Variants in NFKBID observed in about 807,000 individuals in gnomAD.
NFKBID encodes NF-kappa-B inhibitor delta.
In NFKBID, 26 loss-of-function variants were observed where a neutral mutation model predicts 53.4. That is an observed-to-expected ratio of 0.49 (90% confidence interval 0.36 to 0.68). The LOEUF is 0.68. Ranked by LOEUF, NFKBID falls within the 30% of genes least tolerant of loss-of-function variation. The probability of loss-of-function intolerance (pLI) is 0.00; values close to 1 mark genes in which losing one functional copy is unlikely to be tolerated. For synonymous variants in NFKBID, 262 were observed against 259.8 expected (o/e 1.01, Z -0.08); for missense variants, 493 against 614.1 (o/e 0.80, Z 2.08).
intron 9 of NFKBID, among the ~76,000 whole-genome samples, chr19:35,892,543 C>CAAAAAAAAAAA (rs112001334): frequency 5.6e-4 from 63 of 112,268 alleles, no homozygotes; most frequent in African/African-American, 2.1e-3. Flanking sequence ...GACTCCATCT[C>CAAAAAAAAAAA]AAAAAAAAAA....
At chr19:35,897,904 G>T in intron 3 of NFKBID, 48 bp from the exon 4 acceptor site, 1 of 1,330,362 alleles carries the variant, frequency 7.5e-7, no homozygotes, top group Non-Finnish European at 1.0e-6. Context: ...CCAGAGTTGG[G>T]GACGTCACAT....
chr19:35,899,203 C>A (rs1241913713), intron 1 of NFKBID, among the ~76,000 whole-genome samples: 1 of 152,126 alleles, frequency 6.6e-6, no homozygotes, highest in African/African-American at 2.4e-5. Flanking sequence ...TCCCTAGACT[C>A]ACATCCAGGT....
At chr19:35,900,899 G>T (rs1975540447), upstream of NFKBID, among the ~76,000 whole-genome samples, 1 of 146,222 alleles carries the variant, frequency 6.8e-6, no homozygotes, top group South Asian at 2.1e-4. Context: ...GAGTGCAATG[G>T]TGCGATCTCT....
At chr19:35,895,350 T>C (rs1215998587) in intron 9 of NFKBID, among the ~76,000 whole-genome samples, 1 of 148,078 alleles carries the variant, frequency 6.8e-6, no homozygotes, top group Non-Finnish European at 1.5e-5. Context: ...TAGCCAGGCA[T>C]GGTGGCGTGC....
intron 9 of NFKBID, among the ~76,000 whole-genome samples, chr19:35,891,060 G>A (rs1160940215): frequency 1.3e-5 from 2 of 152,088 alleles, no homozygotes; most frequent in Admixed American, 1.3e-4. Context: ...TCCTTTTCCA[G>A]TTCTTCAAAG....
chr19:35,892,305 G>A (rs1974823646), intron 9 of NFKBID, among the ~76,000 whole-genome samples: 1 of 152,084 alleles, frequency 6.6e-6, no homozygotes, highest in Non-Finnish European at 1.5e-5. Flanking sequence ...GCCCACCTGA[G>A]CCTCCCAAAG....
chr19:35,898,253 C>T (rs1368036211), intron 3 of NFKBID, among the ~76,000 whole-genome samples: 1 of 151,476 alleles, frequency 6.6e-6, no homozygotes, highest in Non-Finnish European at 1.5e-5. Flanking sequence ...GAGGCTGAGG[C>T]GGGAGGATCA....
chr19:35,889,577 G>A (rs1337069038), intron 11 of NFKBID, among the ~76,000 whole-genome samples: 1 of 151,902 alleles, frequency 6.6e-6, no homozygotes, highest in Non-Finnish European at 1.5e-5. Flanking sequence ...AAGGTTAGGG[G>A]CAGGGGGTAG....
intron 9 of NFKBID, among the ~76,000 whole-genome samples, chr19:35,892,760 G>A (rs1387171134): frequency 6.6e-6 from 1 of 152,112 alleles, no homozygotes; most frequent in East Asian, 1.9e-4. Flanking sequence ...TCCCAAGGCA[G>A]CTCTCATCCC....
At chr19:35,900,107 C>T (rs1247938557) in intron 1 of NFKBID, among the ~76,000 whole-genome samples, 69 of 139,704 alleles carry the variant, frequency 4.9e-4, no homozygotes, top group African/African-American at 1.6e-3. Flanking sequence ...TCAGCCTAGT[C>T]CCTGCTTCTA....
exon 12 of NFKBID, chr19:35,888,374 G>C (rs1035030986): frequency 1.7e-6 from 1 of 581,514 alleles, no homozygotes; most frequent in South Asian, 2.0e-5. Flanking sequence ...GTAGAAGAGG[G>C]GTATCACAGC....
intron 1 of NFKBID, among the ~76,000 whole-genome samples, chr19:35,900,039 C>A (rs1002400800): frequency 7.3e-6 from 1 of 136,730 alleles, no homozygotes; most frequent in Non-Finnish European, 1.6e-5. Flanking sequence ...CCGGACCCTT[C>A]CCCACCGAGA....
Position 35,895,962 on chromosome 19 carries a change from G to T in NFKBID, c.1032+18C>A. Reference sequence around the variant, plus strand: ...CCACACAATCTCCCAGGGTCTGACCGCCCACATCCCCGCTCACCTGGCTGG... The same window carrying T: ...CCACACAATCTCCCAGGGTCTGACCTCCCACATCCCCGCTCACCTGGCTGG... On this transcript the variant is annotated intron_variant, in intron 9 of 11. Coordinates refer to ENST00000641389, the Ensembl canonical transcript of NFKBID. 1.9e-6 allele frequency: 3 copies of T among 1,606,238 alleles called. No homozygotes were observed. Among genetic ancestry groups the T allele is most frequent in the South Asian group, 1.1e-5 (1 of 90,378 alleles).
chr19:35,890,117 C>T, intron 10 of NFKBID, 63 bp from the exon 11 acceptor site: 1 of 1,483,170 alleles, frequency 6.7e-7, no homozygotes, highest in South Asian at 1.2e-5. Context: ...CTCTAAACTG[C>T]ACTTCAATTT....
exon 4 of NFKBID, chr19:35,897,754 C>T: frequency 1.2e-6 from 2 of 1,611,738 alleles, no homozygotes; most frequent in South Asian, 2.2e-5. Context: ...AGAGTAGGGG[C>T]TGTCAGTGTA....
In NFKBID at chr19:35,896,914, T is replaced by C. The variant is rs1419657518; in HGVS notation, c.577A>G (p.Thr193Ala). ...GACAACCCTATCCCTTATACTCACG[T>C]GTCCCCCTCCTCATCCTGGGCCAGC... The change falls in exon 5 of 12, where the codon ACG becomes GCG. Residue 193 changes from threonine (T) to alanine (A), a missense_variant and splice_region_variant. Coordinates refer to ENST00000641389, the Ensembl canonical transcript of NFKBID. This position sits in a 1 kb window ranked among gnomAD's most constrained non-coding sequence, Gnocchi z 5.7. 1 of 1,608,896 alleles carries C rather than the reference T, an allele frequency of 6.2e-7. No homozygotes were observed. Among genetic ancestry groups the C allele is most frequent in the Non-Finnish European group, 8.5e-7 (1 of 1,176,466 alleles).
chr19:35,895,253 A>T (rs1975055391), intron 9 of NFKBID, among the ~76,000 whole-genome samples: 1 of 149,908 alleles, frequency 6.7e-6, no homozygotes, highest in African/African-American at 2.5e-5. Context: ...AGGTGGGAGG[A>T]TCATTTGAGG....
chr19:35,896,732 C>G lies in NFKBID; in HGVS notation c.678G>C (p.Lys226Asn). Residue 226 changes from lysine to asparagine, a missense_variant, in exon 6 of 12, where the codon AAG becomes AAC. Physicochemically the swap from Lys to Asn is moderately conservative, Grantham distance 94. Transcript: ENST00000641389. This position sits in a 1 kb window ranked among gnomAD's most constrained non-coding sequence, Gnocchi z 5.7. Reference sequence around the variant, plus strand: ...TTCAGGCCCCAAGCCTCACCTTGCCCTTATGCTCACGAATGTCAAGACGCC... The same window carrying G: ...TTCAGGCCCCAAGCCTCACCTTGCCGTTATGCTCACGAATGTCAAGACGCC... The G allele has an allele frequency of 6.2e-7, 1 of 1,613,686 alleles. No individual in the cohort carries two copies. The highest frequency in any genetic ancestry group is 8.5e-7 in the Non-Finnish European group (1 of 1,179,720).
Position 35,896,303 on chromosome 19 carries a change from G to T in NFKBID, c.832-34C>A. On this transcript the variant is annotated intron_variant, in intron 7 of 11. Coordinates refer to ENST00000641389, the Ensembl canonical transcript of NFKBID. This position sits in a 1 kb window ranked among gnomAD's most constrained non-coding sequence, Gnocchi z 5.7. ...AAGAGAAGGCAGACTGCTGGGTAAG[G>T]GTATCCCCTGGCCTCCTGGCCCTGG... 1.2e-6 allele frequency: 2 copies of T among 1,614,048 alleles called. No individual in the cohort carries two copies. Among genetic ancestry groups the T allele is most frequent in the Non-Finnish European group, 1.7e-6 (2 of 1,179,938 alleles).
Sources: allele counts gnomAD v4.1 joint callset (sites outside exome capture counted in the v4.1 genomes callset), GRCh38; gene constraint gnomAD v4.1.1; non-coding constraint Gnocchi (gnomAD v3.1); transcripts MANE v1.5; gene names NCBI Gene and HGNC (gene_info 2026-07-23, HGNC 2026-07-21).